TSPAN15: variants seen among roughly 807,000 people sequenced by gnomAD.
TSPAN15 encodes tetraspanin 15.
Under a neutral mutation model 34.5 loss-of-function variants are expected in TSPAN15, and 20 were observed. The observed-to-expected ratio is 0.58, with a 90% CI of 0.41 to 0.84. TSPAN15 has a LOEUF of 0.84. Ranked by LOEUF, TSPAN15 falls within the 40% of genes least tolerant of loss-of-function variation. TSPAN15 has a pLI of 0.00. For missense variants in TSPAN15, 313 were observed against 386.1 expected (o/e 0.81, Z 1.59); for synonymous variants, 155 against 153.9 (o/e 1.01, Z -0.05).
At chr10:69,543,844 AGTGTGTGTGTGTGTGTGTGTGTGTGTGT>A in the TSPAN15 span, among the ~76,000 whole-genome samples, 22 of 73,806 alleles carry the variant, frequency 3.0e-4, no homozygotes, top group African/African-American at 7.4e-4. Flanking sequence ...GAAGAAGGGG[AGTGTGTGTGTGTGTGTGTGTGTGTGTGT>A]GTGTGTGTGT....
intron 1 of TSPAN15, among the ~76,000 whole-genome samples, chr10:69,467,637 A>AACACACACACAC (rs36028041): frequency 1.0e-3 from 81 of 78,208 alleles, no homozygotes; most frequent in East Asian, 3.4e-3. Context: ...AAAACAAAAC[A>AACACACACACAC]ACACACACAC....
At chr10:69,462,210 A>G (rs989579752) in intron 1 of TSPAN15, among the ~76,000 whole-genome samples, 1 of 123,768 alleles carries the variant, frequency 8.1e-6, no homozygotes, top group Non-Finnish European at 1.6e-5. Flanking sequence ...CATGTTGCCC[A>G]GCCTAGTCTT....
chr10:69,542,094 G>A, the TSPAN15 span, among the ~76,000 whole-genome samples: 1 of 152,064 alleles, frequency 6.6e-6, no homozygotes, highest in Non-Finnish European at 1.5e-5. Flanking sequence ...TGAACGCTTT[G>A]GTGCTTAGAA....
At chr10:69,478,816 G>T (rs10998827) in intron 1 of TSPAN15, among the ~76,000 whole-genome samples, 9,438 of 152,296 alleles carry the variant, frequency 0.062, 1,011 homozygotes, top group African/African-American at 0.22. Context: ...AGATCTAGCA[G>T]TGAGCCTAAT....
intron 1 of TSPAN15, among the ~76,000 whole-genome samples, chr10:69,480,999 G>A (rs1841723434): frequency 6.6e-6 from 1 of 152,160 alleles, no homozygotes; most frequent in South Asian, 2.1e-4. Context: ...CGCCCGGCCT[G>A]GACTTGGCTT....
At chr10:69,519,837 A>G in the TSPAN15 span, among the ~76,000 whole-genome samples, 1 of 152,074 alleles carries the variant, frequency 6.6e-6, no homozygotes, top group African/African-American at 2.4e-5. Context: ...GGTTCAATCA[A>G]TTCTCCTGCC....
At chr10:69,483,073 C>T (rs1442641555) in intron 1 of TSPAN15, among the ~76,000 whole-genome samples, 1 of 152,132 alleles carries the variant, frequency 6.6e-6, no homozygotes, top group African/African-American at 2.4e-5. Flanking sequence ...ACTGCAAGCT[C>T]CACCTCCTGG....
chr10:69,504,053 C>T (rs1449969519), intron 5 of TSPAN15, among the ~76,000 whole-genome samples: 1 of 152,182 alleles, frequency 6.6e-6, no homozygotes, highest in East Asian at 1.9e-4. Context: ...AGTTTTCCTC[C>T]CCAAGAGCCA....
intron 4 of TSPAN15, 147 bp from the exon 5 acceptor site, chr10:69,498,133 G>T: frequency 1.5e-6 from 1 of 679,524 alleles, no homozygotes. Flanking sequence ...CACTTTGACA[G>T]CTCTGACTTG....
intron 1 of TSPAN15, among the ~76,000 whole-genome samples, chr10:69,477,667 T>C (rs556054980): frequency 1.3e-5 from 2 of 152,384 alleles, no homozygotes; most frequent in South Asian, 4.1e-4. Flanking sequence ...TAGGAAGTTC[T>C]CAGCACTGCT....
intron 3 of TSPAN15, chr10:69,494,983 C>G: frequency 1.6e-6 from 1 of 611,098 alleles, no homozygotes; most frequent in East Asian, 1.4e-4. Flanking sequence ...TGTCCCAGCC[C>G]TAGCCGAGGG....
intron 1 of TSPAN15, among the ~76,000 whole-genome samples, chr10:69,460,038 AGATG>A: frequency 6.8e-6 from 1 of 146,714 alleles, no homozygotes; most frequent in Non-Finnish European, 1.5e-5. Context: ...AGATGAGATG[AGATG>A]AGATGAGATG....
At chr10:69,503,025 A>G (rs1180928723) in intron 5 of TSPAN15, among the ~76,000 whole-genome samples, 3 of 152,240 alleles carry the variant, frequency 2.0e-5, no homozygotes, top group Non-Finnish European at 1.5e-5. Context: ...GAACAAATGA[A>G]TGAACCAATG....
At chr10:69,484,012 A>G in intron 2 of TSPAN15, 136 bp downstream of exon 2, 2 of 886,388 alleles carry the variant, frequency 2.3e-6, no homozygotes, top group South Asian at 2.1e-5. Flanking sequence ...AGATCAGCCC[A>G]TCTGACCACA....
the TSPAN15 span, among the ~76,000 whole-genome samples, chr10:69,518,478 C>A: frequency 6.6e-6 from 1 of 152,188 alleles, no homozygotes; most frequent in African/African-American, 2.4e-5. Flanking sequence ...AGGTGGAGTG[C>A]AGTGATGTGA....
At chr10:69,463,736 G>T (rs1275366563) in intron 1 of TSPAN15, among the ~76,000 whole-genome samples, 1 of 151,862 alleles carries the variant, frequency 6.6e-6, no homozygotes, top group African/African-American at 2.4e-5. Context: ...CTTGAACCTG[G>T]GAGGTGGAGG....
chr10:69,506,241 G>A lies in TSPAN15; in HGVS notation c.735+1G>A. ...CCTCCTGGGCATCCTGCTTCCCCAG[G>A]TGGGCAGGCCGTGGGTTCAGAGAAA... On this transcript the variant is annotated splice_donor_variant, in intron 7 of 7. Transcript: ENST00000373290. LOFTEE classifies it high-confidence loss of function. This position sits in a 1 kb window ranked among gnomAD's most constrained non-coding sequence, Gnocchi z 4.7. 6.2e-7 allele frequency: 1 copy of A among 1,614,056 alleles called. No individual in the cohort carries two copies. Among genetic ancestry groups the A allele is most frequent in the Non-Finnish European group, 8.5e-7 (1 of 1,179,882 alleles).
At chr10:69,505,055 G>A (rs1300136610) in intron 6 of TSPAN15, among the ~76,000 whole-genome samples, 3 of 152,200 alleles carry the variant, frequency 2.0e-5, no homozygotes, top group African/African-American at 4.8e-5. Flanking sequence ...TATGGGGCTA[G>A]TGGGTGATTC....
the TSPAN15 span, among the ~76,000 whole-genome samples, chr10:69,543,855 G>A: frequency 6.9e-5 from 8 of 116,644 alleles, no homozygotes; most frequent in African/African-American, 2.2e-4. Context: ...GTGTGTGTGT[G>A]TGTGTGTGTG....
Sources: allele counts gnomAD v4.1 joint callset (sites outside exome capture counted in the v4.1 genomes callset), GRCh38; gene constraint gnomAD v4.1.1; non-coding constraint Gnocchi (gnomAD v3.1); transcripts MANE v1.5; gene names NCBI Gene and HGNC (gene_info 2026-07-23, HGNC 2026-07-21).